The following DENND2C variants were observed in gnomAD, a reference collection of about 807,000 sequenced individuals.
DENND2C encodes DENN domain containing 2C.
DENND2C carries 72 observed loss-of-function variants against 112.4 expected under a neutral mutation model. The ratio of observed to expected loss-of-function variants is 0.64; its 90% CI spans 0.53 to 0.78. The LOEUF is 0.78. Among genes scored for constraint, DENND2C ranks in the 30% least tolerant of loss-of-function variants. The pLI is 0.00. For synonymous variants in DENND2C, 329 were observed against 381.6 expected, an observed-to-expected ratio of 0.86 and a Z score of 1.61; for missense variants, 992 against 1,113.8, an observed-to-expected ratio of 0.89 and a Z score of 1.56.
At chr1:114,593,642 A>C (rs1293685274) in intron 18 of DENND2C, among the ~76,000 whole-genome samples, 7 of 152,060 alleles carry the variant, frequency 4.6e-5, no homozygotes, top group Non-Finnish European at 1.0e-4. Flanking sequence ...AAGATTAGCT[A>C]GGTGTGGTGG....
intron 1 of DENND2C, among the ~76,000 whole-genome samples, chr1:114,657,948 G>A (rs1269355308): frequency 6.6e-6 from 1 of 152,228 alleles, no homozygotes; most frequent in Non-Finnish European, 1.5e-5. Context: ...GGACCGGAAA[G>A]ATTATCAGCA....
At chr1:114,637,353 G>A (rs545945982) in intron 3 of DENND2C, among the ~76,000 whole-genome samples, 1 of 129,260 alleles carries the variant, frequency 7.7e-6, no homozygotes, top group Non-Finnish European at 1.6e-5. Flanking sequence ...CTGGGCAACA[G>A]AGCAAGACTC....
chr1:114,600,487 T>C (rs1655471264), intron 14 of DENND2C, 135 bp from the exon 15 acceptor site: 1 of 1,170,832 alleles, frequency 8.5e-7, no homozygotes, highest in Non-Finnish European at 1.2e-6. Flanking sequence ...AAGCTTCCTA[T>C]ACTAATGCCA....
At chr1:114,660,352 A>G (rs116756605) in intron 1 of DENND2C, among the ~76,000 whole-genome samples, 4,015 of 152,264 alleles carry the variant, frequency 0.026, 94 homozygotes, top group Non-Finnish European at 0.034. Context: ...CTTAGAACAA[A>G]CAGGACAGAA....
intron 3 of DENND2C, among the ~76,000 whole-genome samples, chr1:114,638,932 T>C (rs1656732540): frequency 6.6e-6 from 1 of 152,016 alleles, no homozygotes; most frequent in South Asian, 2.1e-4. Flanking sequence ...AAAAAATATC[T>C]GCCATACATA....
At chr1:114,636,990 A>C (rs1656674538) in intron 3 of DENND2C, among the ~76,000 whole-genome samples, 1 of 151,900 alleles carries the variant, frequency 6.6e-6, no homozygotes, top group African/African-American at 2.4e-5. Context: ...CACAACTGTA[A>C]TCCCAGCACT....
chr1:114,635,766 G>A (rs959429393), intron 3 of DENND2C, among the ~76,000 whole-genome samples: 3 of 152,100 alleles, frequency 2.0e-5, no homozygotes, highest in African/African-American at 7.2e-5. Flanking sequence ...CAACAATTTG[G>A]GAGGCTGAGG....
At chr1:114,621,287 A>T (rs577281443) in intron 7 of DENND2C, among the ~76,000 whole-genome samples, 237 of 152,276 alleles carry the variant, frequency 1.6e-3, no homozygotes, top group African/African-American at 4.8e-3. Flanking sequence ...AAGAAAAAAA[A>T]ATATATGTCT....
chr1:114,624,180 G>T (rs1314061521), intron 4 of DENND2C, among the ~76,000 whole-genome samples: 1 of 152,320 alleles, frequency 6.6e-6, no homozygotes, highest in South Asian at 2.1e-4. Context: ...TCACATTCAT[G>T]TTCTTCATTG....
chr1:114,588,356 T>C (rs1655099714), intron 18 of DENND2C, among the ~76,000 whole-genome samples: 1 of 152,232 alleles, frequency 6.6e-6, no homozygotes, highest in African/African-American at 2.4e-5. Context: ...TCTTCTGATT[T>C]CCTGATTCCT....
At chr1:114,662,623 G>T (rs1219396388) in intron 1 of DENND2C, among the ~76,000 whole-genome samples, 1 of 150,440 alleles carries the variant, frequency 6.6e-6, no homozygotes, top group African/African-American at 2.4e-5. Flanking sequence ...CCACTAACCA[G>T]AAGTCTAAGA....
chr1:114,617,853 A>C (rs1206051407), intron 8 of DENND2C, among the ~76,000 whole-genome samples: 2 of 152,182 alleles, frequency 1.3e-5, no homozygotes, highest in Middle Eastern at 6.3e-3. Context: ...TCAATGGTTT[A>C]TGATTATTTT....
intron 8 of DENND2C, among the ~76,000 whole-genome samples, chr1:114,617,722 A>T (rs1656014432): frequency 6.6e-6 from 1 of 152,064 alleles, no homozygotes; most frequent in Non-Finnish European, 1.5e-5. Context: ...GAAAAATTTT[A>T]AAATATCCTC....
chr1:114,637,369 C>CA (rs71575188), intron 3 of DENND2C, among the ~76,000 whole-genome samples: 184 of 127,512 alleles, frequency 1.4e-3, no homozygotes, highest in Middle Eastern at 4.3e-3. Flanking sequence ...GACTCTGTCT[C>CA]AAAAAAAAAA....
At chr1:114,659,463 C>T (rs771639649) in intron 1 of DENND2C, among the ~76,000 whole-genome samples, 2 of 152,164 alleles carry the variant, frequency 1.3e-5, no homozygotes, top group Non-Finnish European at 2.9e-5. Flanking sequence ...GATCCCACCA[C>T]TGCACTCCAG....
chr1:114,605,143 T>G, intron 10 of DENND2C, 112 bp from the exon 11 acceptor site: 1 of 686,250 alleles, frequency 1.5e-6, no homozygotes, highest in Non-Finnish European at 2.4e-6. Flanking sequence ...CCTGAGTAGT[T>G]GCTGATAAGC....
intron 8 of DENND2C, among the ~76,000 whole-genome samples, chr1:114,617,003 T>A (rs1655989826): frequency 1.3e-5 from 2 of 152,072 alleles, no homozygotes. Flanking sequence ...ACGAAGCAAA[T>A]GCAGAAACCC....
intron 2 of DENND2C, among the ~76,000 whole-genome samples, chr1:114,650,240 T>C (rs928830193): frequency 5.3e-5 from 8 of 150,946 alleles, no homozygotes; most frequent in Non-Finnish European, 1.0e-4. Context: ...GGAGAATCGC[T>C]TGAACCCAGG....
intron 20 of DENND2C, 200 bp downstream of exon 20, chr1:114,587,187 C>T (rs759431462): frequency 2.3e-5 from 14 of 597,206 alleles, no homozygotes; most frequent in Non-Finnish European, 4.2e-5. Context: ...CAGGCATAAG[C>T]CACCATGCCC....
Sources: gnomAD v4.1 joint callset for allele counts (sites outside exome capture counted in the v4.1 genomes callset) on GRCh38, gnomAD v4.1.1 for gene constraint, MANE v1.5 for transcripts, NCBI Gene and HGNC (gene_info 2026-07-23, HGNC 2026-07-21) for gene names.